Variants in TLE4 observed in about 807,000 individuals in gnomAD.
The protein encoded by TLE4 is TLE family member 4, transcriptional corepressor, also known as transducin-like enhancer protein 4.
TLE4 carries 8 observed loss-of-function variants against 92.8 expected under a neutral mutation model. The observed-to-expected ratio is 0.09, with a 90% CI of 0.05 to 0.16. The LOEUF (loss-of-function observed/expected upper bound fraction) is 0.16. Ranked by LOEUF, TLE4 falls within the 10% of genes least tolerant of loss-of-function variation. TLE4 has a pLI of 1.00. For synonymous variants in TLE4, 371 were observed against 374.1 expected (o/e 0.99, Z 0.10); for missense variants, 675 against 997.6 (o/e 0.68, Z 4.36).
chr9:79,684,880 C>T (rs1193901530), intron 8 of TLE4, among the ~76,000 whole-genome samples: 6 of 152,160 alleles, frequency 3.9e-5, no homozygotes, highest in Admixed American at 3.9e-4. Flanking sequence ...AATGTGGATA[C>T]AGGGAGGTGT....
chr9:79,675,461 G>C (rs1389147452), intron 8 of TLE4, among the ~76,000 whole-genome samples: 1 of 151,948 alleles, frequency 6.6e-6, no homozygotes, highest in African/African-American at 2.4e-5. Flanking sequence ...ACCAAATTGG[G>C]GCCCATGGCT....
At chr9:79,639,595 A>G (rs1289083430) in intron 6 of TLE4, among the ~76,000 whole-genome samples, 2 of 152,140 alleles carry the variant, frequency 1.3e-5, no homozygotes, top group Non-Finnish European at 2.9e-5. Context: ...TTCATTTATG[A>G]TAAGTGCTTT....
At chr9:79,597,283 T>A (rs1329760622) in intron 4 of TLE4, among the ~76,000 whole-genome samples, 1 of 152,196 alleles carries the variant, frequency 6.6e-6, no homozygotes, top group Non-Finnish European at 1.5e-5. Flanking sequence ...TCTGTTCTCT[T>A]ATCTGGGCTT....
At chr9:79,677,502 T>C (rs1051022359) in intron 8 of TLE4, among the ~76,000 whole-genome samples, 21 of 152,212 alleles carry the variant, frequency 1.4e-4, no homozygotes, top group Middle Eastern at 3.4e-3. Context: ...TAGTTGAAAG[T>C]ATTGGACTAT....
chr9:79,592,230 C>CTTCTTCT (rs2042835891), intron 4 of TLE4, among the ~76,000 whole-genome samples: 2 of 71,896 alleles, frequency 2.8e-5, no homozygotes, highest in South Asian at 6.8e-4. Flanking sequence ...TCTTCTTCTT[C>CTTCTTCT]TTCTTCCTTC....
chr9:79,709,782 C>T (rs2072746540), intron 14 of TLE4, 83 bp downstream of exon 14: 2 of 1,185,608 alleles, frequency 1.7e-6, no homozygotes, highest in Admixed American at 1.8e-5. Flanking sequence ...TACCACTAGA[C>T]AGTGTTGGGG....
chr9:79,629,062 G>A (rs965971306), intron 6 of TLE4, among the ~76,000 whole-genome samples: 1 of 152,262 alleles, frequency 6.6e-6, no homozygotes, highest in African/African-American at 2.4e-5. Flanking sequence ...TGGAGAGAAT[G>A]TGCAGAGTGA....
rs60841110 is a variant in TLE4 at position 79,724,169 on chromosome 9, C to CT, written c.2215-855dup. Among the ~76,000 whole-genome samples, 777 of 141,574 alleles carry CT rather than the reference C, an allele frequency of 5.5e-3. 6 individuals are homozygous for CT. The highest frequency in any genetic ancestry group is 0.016 in the African/African-American group (632 of 38,832). The allele number at this position is 141,574 out of a possible 152,430, so 92.9% of individuals were successfully genotyped here. A position where few individuals can be genotyped will look rare whatever the true frequency, so the allele number is the denominator to read the frequency against. On this transcript the variant is annotated intron_variant, in intron 19 of 19. Coordinates refer to ENST00000376552, the MANE Select transcript of TLE4 (RefSeq NM_007005.6). ...TTTTTACTAGGAATATTTTTACATT[C>CT]TTTTTTTTTTTTTAATGTATTCTCA...
At chr9:79,677,823 T>C (rs1037660620) in intron 8 of TLE4, among the ~76,000 whole-genome samples, 6 of 152,204 alleles carry the variant, frequency 3.9e-5, no homozygotes, top group Middle Eastern at 3.4e-3. Flanking sequence ...TTGTGGATGC[T>C]CTTTTACTTA....
intron 13 of TLE4, 133 bp downstream of exon 13, chr9:79,708,919 C>A: frequency 9.1e-7 from 1 of 1,096,840 alleles, no homozygotes; most frequent in Non-Finnish European, 1.3e-6. Flanking sequence ...GCAGCCTCTG[C>A]CTCCTGGGCT....
intron 8 of TLE4, among the ~76,000 whole-genome samples, chr9:79,682,337 A>G (rs1280328564): frequency 6.6e-6 from 1 of 152,162 alleles, no homozygotes; most frequent in Non-Finnish European, 1.5e-5. Flanking sequence ...GTTAGAGTAT[A>G]TGCATCATAT....
chr9:79,657,003 T>C (rs1181993852), intron 8 of TLE4, among the ~76,000 whole-genome samples: 2 of 152,216 alleles, frequency 1.3e-5, no homozygotes, highest in African/African-American at 2.4e-5. Flanking sequence ...AAGCCTGTTA[T>C]TTGCAGACCT....
At chr9:79,711,759 T>C (rs1472069882) in intron 14 of TLE4, among the ~76,000 whole-genome samples, 1 of 152,236 alleles carries the variant, frequency 6.6e-6, no homozygotes, top group African/African-American at 2.4e-5. Context: ...GTTTTAACTT[T>C]CGATGTTATA....
chr9:79,619,208 G>A (rs776720636), intron 5 of TLE4, among the ~76,000 whole-genome samples: 3 of 152,118 alleles, frequency 2.0e-5, no homozygotes, highest in East Asian at 3.9e-4. Context: ...CACATCAAAC[G>A]ATACATAAAC....
At chr9:79,705,797 A>G in intron 9 of TLE4, 92 bp from the exon 10 acceptor site, 7 of 1,248,332 alleles carry the variant, frequency 5.6e-6, no homozygotes, top group Admixed American at 1.7e-5. Context: ...GCTCATCTTT[A>G]TAAGATATGA....
At chr9:79,591,405 A>G (rs547517786) in intron 4 of TLE4, among the ~76,000 whole-genome samples, 17 of 152,166 alleles carry the variant, frequency 1.1e-4, no homozygotes, top group Non-Finnish European at 2.5e-4. Flanking sequence ...ATTGAGTGGT[A>G]GAGGAGAGAA....
At chr9:79,668,279 C>G (rs1278511221) in intron 8 of TLE4, among the ~76,000 whole-genome samples, 2 of 152,200 alleles carry the variant, frequency 1.3e-5, no homozygotes, top group Non-Finnish European at 2.9e-5. Context: ...TTTGCTTTGA[C>G]TTTTGTTGAA....
chr9:79,719,297 C>G (rs1382903034), intron 15 of TLE4, among the ~76,000 whole-genome samples: 1 of 151,980 alleles, frequency 6.6e-6, no homozygotes, highest in Non-Finnish European at 1.5e-5. Context: ...TAAATATCAT[C>G]TGTCACATGT....
chr9:79,697,880 G>GA (rs2068699196), intron 8 of TLE4, among the ~76,000 whole-genome samples: 1 of 152,080 alleles, frequency 6.6e-6, no homozygotes, highest in African/African-American at 2.4e-5. Flanking sequence ...GAGCCCTACT[G>GA]AAAAACAAGG....
Sources: allele counts gnomAD v4.1 joint callset (sites outside exome capture counted in the v4.1 genomes callset), GRCh38; gene constraint gnomAD v4.1.1; transcripts MANE v1.5; gene names NCBI Gene and HGNC (gene_info 2026-07-23, HGNC 2026-07-21).